Variants in ITPR1 observed in about 807,000 individuals in gnomAD.
ITPR1 encodes inositol 1,4,5-trisphosphate receptor type 1, also known as inositol 1,4,5-trisphosphate-gated calcium channel ITPR1.
Under a neutral mutation model 318.4 loss-of-function variants are expected in ITPR1, and 96 were observed. The ratio of observed to expected loss-of-function variants is 0.30; its 90% CI spans 0.26 to 0.36. The LOEUF is 0.36. Ranked by LOEUF, ITPR1 falls within the 10% of genes least tolerant of loss-of-function variation. ITPR1 has a pLI of 1.00. For synonymous variants in ITPR1, 1,312 were observed against 1,289.9 expected (o/e 1.02, Z -0.37); for missense variants, 2,440 against 3,460.2 (o/e 0.71, Z 7.40).
intron 41 of ITPR1, 26 bp downstream of exon 41, chr3:4,725,607 C>G: frequency 6.3e-7 from 1 of 1,586,548 alleles, no homozygotes; most frequent in South Asian, 1.1e-5. Context: ...ATATTTGTAG[C>G]GCCAGCGCCA....
At chr3:4,685,932 A>G (rs1300772151) in intron 30 of ITPR1, among the ~76,000 whole-genome samples, 1 of 152,206 alleles carries the variant, frequency 6.6e-6, no homozygotes, top group African/African-American at 2.4e-5. Context: ...GCTCAGACTC[A>G]GGTCTCTTGA....
rs1277207069 is a variant in ITPR1, at chr3:4,683,610, C to T, written c.3328-18C>T. On this transcript the variant is annotated intron_variant, in intron 27 of 61. Transcript: ENST00000649015. ...CCAAGAAGCTGTTGTGTGCACCTAA[C>T]GGATTGCGTTCATTAAGGTTCAACT... 12 of 1,613,894 alleles carry T rather than the reference C, an allele frequency of 7.4e-6. No homozygotes were observed. Among genetic ancestry groups the T allele is most frequent in the East Asian group, 4.5e-5 (2 of 44,888 alleles).
intron 60 of ITPR1, among the ~76,000 whole-genome samples, chr3:4,833,675 C>T (rs2050678551): frequency 1.3e-5 from 2 of 152,236 alleles, no homozygotes; most frequent in African/African-American, 4.8e-5. Context: ...CTGCTCCTGC[C>T]TGTCTGCCCT....
chr3:4,603,253 A>G (rs1308192392), intron 4 of ITPR1, among the ~76,000 whole-genome samples: 3 of 151,900 alleles, frequency 2.0e-5, no homozygotes, highest in Admixed American at 6.6e-5. Context: ...TTCAACTTTT[A>G]TTTTAGATTC....
intron 4 of ITPR1, among the ~76,000 whole-genome samples, chr3:4,582,345 T>C (rs1011851611): frequency 6.6e-6 from 1 of 152,016 alleles, no homozygotes; most frequent in African/African-American, 2.4e-5. Flanking sequence ...GAAAATGTCC[T>C]CCCCCACCCC....
chr3:4,559,512 C>A (rs551961974), intron 4 of ITPR1, among the ~76,000 whole-genome samples: 1 of 152,140 alleles, frequency 6.6e-6, no homozygotes, highest in African/African-American at 2.4e-5. Context: ...ATGCAGGAAC[C>A]TTTACATATC....
chr3:4,699,414 A>G lies in ITPR1; in HGVS notation c.4408-399A>G, dbSNP rs562786803. On this transcript the variant is annotated intron_variant, in intron 34 of 61. Transcript: ENST00000649015. ...CACAGGACCTCAGTAACATTTGACT[A>G]TTTGGATGAGGAAACCATGGTCTAG... Among the ~76,000 whole-genome samples the G allele has an allele frequency of 7.9e-5, 12 of 152,120 alleles. No individual in the cohort carries two copies. In the East Asian group the frequency reaches 1.5e-3, roughly 20 times the overall value.
intron 4 of ITPR1, among the ~76,000 whole-genome samples, chr3:4,618,373 G>C (rs1190855918): frequency 6.6e-6 from 1 of 152,168 alleles, no homozygotes; most frequent in East Asian, 1.9e-4. Context: ...GTCTGTAGAT[G>C]AATGTATTTT....
At chr3:4,830,829 C>T (rs998712016) in intron 60 of ITPR1, 17 of 431,356 alleles carry the variant, frequency 3.9e-5, no homozygotes, top group Non-Finnish European at 3.3e-5. Context: ...TCTTCTCCCC[C>T]ATGACCCTTT....
chr3:4,532,086 T>C (rs991202552), intron 4 of ITPR1, among the ~76,000 whole-genome samples: 3 of 152,218 alleles, frequency 2.0e-5, no homozygotes, highest in African/African-American at 7.2e-5. Flanking sequence ...ACACTGCTAA[T>C]TTTTGGTTTT....
chr3:4,824,555 A>G (rs1032442513), intron 60 of ITPR1, among the ~76,000 whole-genome samples: 3 of 152,068 alleles, frequency 2.0e-5, no homozygotes, highest in African/African-American at 7.2e-5. Flanking sequence ...GGCTGGCGGC[A>G]TCTGGTTTGG....
chr3:4,779,008 C>T lies in ITPR1; in HGVS notation c.6292-542C>T, dbSNP rs2046652211. 6.6e-6 allele frequency among the ~76,000 whole-genome samples: 1 copy of T among 152,172 alleles called. No homozygotes were observed. The highest frequency in any genetic ancestry group is 1.5e-5 in the Non-Finnish European group (1 of 68,010). On this transcript the variant is annotated intron_variant, in intron 48 of 61. Transcript: ENST00000649015. This position sits in a 1 kb window ranked among gnomAD's most constrained non-coding sequence, Gnocchi z 4.0. ...AGGGCTTGGCCTGCATACATTGTTC[C>T]TTTGGGTCACATTTGTTAACTAGTG...
Position 4,614,384 on chromosome 3 carries a change from C to T in ITPR1, c.164-13379C>T, listed in dbSNP as rs2092300139. ...AACGTGGCTGTGTCACCTGTTTATC[C>T]CTTCTATCATACCATAGCAGCTAGT... is the stretch of plus-strand genomic sequence containing the variant. On this transcript the variant is annotated intron_variant, in intron 4 of 61. Transcript: ENST00000649015. Among the ~76,000 whole-genome samples the T allele has an allele frequency of 3.3e-5, 5 of 152,340 alleles. No individual in the cohort carries two copies. In the South Asian group the frequency reaches 1.0e-3, roughly 32 times the overall value.
intron 52 of ITPR1, among the ~76,000 whole-genome samples, chr3:4,794,258 G>A (rs759888715): frequency 2.0e-5 from 3 of 152,196 alleles, no homozygotes; most frequent in African/African-American, 4.8e-5. Context: ...CTAAGACTGA[G>A]AATGCCCGGC....
At chr3:4,684,605 T>C (rs1360556105) in intron 29 of ITPR1, among the ~76,000 whole-genome samples, 2 of 152,240 alleles carry the variant, frequency 1.3e-5, no homozygotes, top group Admixed American at 1.3e-4. Context: ...CACCGCATAT[T>C]TCTGAAGCTT....
At chr3:4,621,741 T>G (rs183165240) in intron 4 of ITPR1, among the ~76,000 whole-genome samples, 1 of 152,368 alleles carries the variant, frequency 6.6e-6, no homozygotes, top group East Asian at 1.9e-4. Flanking sequence ...CTACCAGTCC[T>G]GCTTTTCTAC....
chr3:4,736,619 T>C (rs1371124255), intron 44 of ITPR1, among the ~76,000 whole-genome samples: 1 of 152,242 alleles, frequency 6.6e-6, no homozygotes, highest in African/African-American at 2.4e-5. Context: ...CAAGGCCCAC[T>C]GCTTGTCTAA....
chr3:4,825,404 G>A (rs780886434), intron 60 of ITPR1, among the ~76,000 whole-genome samples: 4 of 152,126 alleles, frequency 2.6e-5, no homozygotes, highest in South Asian at 2.1e-4. Flanking sequence ...CCAGGAGCCC[G>A]CATTCCTGAA....
At chr3:4,787,158 A>G (rs1363914445) in intron 51 of ITPR1, among the ~76,000 whole-genome samples, 1 of 152,140 alleles carries the variant, frequency 6.6e-6, no homozygotes. Flanking sequence ...CCATCATTAC[A>G]GAAAGTTCTA....
Sources: gnomAD v4.1 joint callset for allele counts (sites outside exome capture counted in the v4.1 genomes callset) on GRCh38, gnomAD v4.1.1 for gene constraint, Gnocchi (gnomAD v3.1) non-coding constraint, MANE v1.5 for transcripts, NCBI Gene and HGNC (gene_info 2026-07-23, HGNC 2026-07-21) for gene names.